Variants in CAPN8 observed in about 807,000 individuals in gnomAD.
CAPN8 encodes calpain-8.
A neutral mutation model predicts 80.9 loss-of-function variants in CAPN8; 87 were observed. The observed-to-expected ratio is 1.07, with a 90% CI of 0.90 to 1.28. The LOEUF is 1.28. Among genes scored for constraint, CAPN8 ranks in the 50% most tolerant of loss-of-function variants. The pLI, the probability that CAPN8 is intolerant of heterozygous loss-of-function variation, is 0.00. For synonymous variants in CAPN8, 299 were observed against 273.8 expected (o/e 1.09, Z -0.91); for missense variants, 757 against 702.0 (o/e 1.08, Z -0.89).
intron 13 of CAPN8, among the ~76,000 whole-genome samples, chr1:223,555,369 G>A (rs975759177): frequency 1.3e-5 from 2 of 152,194 alleles, no homozygotes; most frequent in South Asian, 2.1e-4. Context: ...CCCTGCATCC[G>A]ACTACTCTCA....
chr1:223,640,091 G>A (rs1658007431), intron 2 of CAPN8, among the ~76,000 whole-genome samples: 1 of 151,824 alleles, frequency 6.6e-6, no homozygotes, highest in African/African-American at 2.4e-5. Flanking sequence ...CTTTCCAATT[G>A]CCACAAACCA....
rs550309697 is a variant in CAPN8 at position 223,650,212 on chromosome 1, G to A, written c.307+4118C>T. 1.4e-3 allele frequency among the ~76,000 whole-genome samples: 216 copies of A among 152,316 alleles called. 3 individuals are homozygous for A. The highest frequency in any genetic ancestry group is 4.9e-3 in the African/African-American group (202 of 41,576). Reference sequence around the variant, plus strand: ...GGCTCAGAGGGCAGAGGTGGCCTTGGAGAGGGAGAGTGCAGGCTGGGCCAG... The same window carrying A: ...GGCTCAGAGGGCAGAGGTGGCCTTGAAGAGGGAGAGTGCAGGCTGGGCCAG... On this transcript the variant is annotated intron_variant, in intron 2 of 20. Coordinates refer to ENST00000366872, the MANE Select transcript of CAPN8 (RefSeq NM_001143962.2).
intron 2 of CAPN8, among the ~76,000 whole-genome samples, chr1:223,653,458 A>G (rs1191820076): frequency 6.6e-6 from 1 of 152,036 alleles, no homozygotes; most frequent in African/African-American, 2.4e-5. Flanking sequence ...CTCCTGAAAA[A>G]AAAGTGGCGG....
intron 2 of CAPN8, among the ~76,000 whole-genome samples, chr1:223,636,875 T>C (rs1203154779): frequency 6.8e-6 from 1 of 147,844 alleles, no homozygotes; most frequent in East Asian, 2.0e-4. Flanking sequence ...ATTTGAAAAC[T>C]CAGACCTTGA....
At chr1:223,648,295 C>T (rs1658246038) in intron 2 of CAPN8, among the ~76,000 whole-genome samples, 1 of 152,244 alleles carries the variant, frequency 6.6e-6, no homozygotes, top group South Asian at 2.1e-4. Context: ...CCCTGGGCCA[C>T]ATGGAGCTGT....
intron 2 of CAPN8, among the ~76,000 whole-genome samples, chr1:223,641,366 T>A (rs1176345462): frequency 9.6e-4 from 141 of 146,144 alleles, no homozygotes; most frequent in African/African-American, 3.4e-3. Flanking sequence ...AGCCTTTTTT[T>A]AAAAAAAAAA....
intron 2 of CAPN8, chr1:223,642,589 A>C: frequency 3.0e-6 from 1 of 337,044 alleles, no homozygotes; most frequent in Non-Finnish European, 5.8e-6. Context: ...CAGGAGCTAC[A>C]GAGCACCCCA....
intron 8 of CAPN8, among the ~76,000 whole-genome samples, chr1:223,619,929 T>C (rs1657333215): frequency 6.6e-6 from 1 of 152,150 alleles, no homozygotes; most frequent in Non-Finnish European, 1.5e-5. Flanking sequence ...GAAGCAGTGC[T>C]CTCAGTTCAT....
rs1006993080 is a variant in CAPN8 at position 223,625,934 on chromosome 1, AG to A, written c.730-47del. 5.4e-6 allele frequency: 8 copies of A among 1,470,754 alleles called. No homozygotes were observed. In the African/African-American group the frequency reaches 7.0e-5, roughly 13 times the overall value. The allele number at this position is 1,470,754 out of a possible 1,614,324, so 91.1% of individuals were successfully genotyped here. ...ACTCAGTGGCTGACCCTGACCTCTC[AG>A]GGGCCGGCCGTAGAATGCTTTCCAA... On this transcript the variant is annotated intron_variant, in intron 5 of 20. Transcript: ENST00000366872.
chr1:223,620,373 A>G lies in CAPN8; in HGVS notation c.900-107T>C, dbSNP rs1467376647. ...CCTAAGAGCCAGAAACAAAATACCAAAAGCACTGCAGGCAGACAGAAAGGC... is the reference window on the plus strand; with the variant it reads ...CCTAAGAGCCAGAAACAAAATACCAGAAGCACTGCAGGCAGACAGAAAGGC... On this transcript the variant is annotated intron_variant, in intron 7 of 20. Coordinates refer to ENST00000366872, the MANE Select transcript of CAPN8 (RefSeq NM_001143962.2). 3 of 933,848 alleles carry G rather than the reference A, an allele frequency of 3.2e-6. No homozygotes were observed. The East Asian group carries it at 7.9e-5, about 25-fold the overall frequency. The allele number at this position is 933,848 out of a possible 1,614,324, so 57.8% of individuals were successfully genotyped here.
At chr1:223,654,832 C>T (rs1398724328) in intron 1 of CAPN8, among the ~76,000 whole-genome samples, 2 of 147,354 alleles carry the variant, frequency 1.4e-5, no homozygotes, top group African/African-American at 2.5e-5. Flanking sequence ...CGTGCCACCA[C>T]ACCCGGCTAA....
chr1:223,628,121 C>T lies in CAPN8; in HGVS notation c.448G>A (p.Val150Met), dbSNP rs1259350526. The change falls in exon 4 of 21, where the codon GTG (valine) becomes ATG (methionine). Residue 150 changes from valine (V) to methionine (M), a missense_variant. Val to Met is a conservative substitution (Grantham distance 21, BLOSUM62 1). Transcript: ENST00000366872. ...AGCCTGTCGTCAATGACCACCTCCA[C>T]CCACTCTCCGTACTGCCAGAACTGG... is the stretch of plus-strand genomic sequence containing the variant. ...HFQFWQYGEW[V>M]EVVIDDRLPT... 1 of 1,550,274 alleles carries T rather than the reference C, an allele frequency of 6.5e-7. No individual in the cohort carries two copies. The highest frequency in any genetic ancestry group is 2.0e-5 in the Admixed American group (1 of 50,764).
intron 6 of CAPN8, 80 bp downstream of exon 6, chr1:223,625,725 C>G (rs2102711494): frequency 3.1e-6 from 4 of 1,288,396 alleles, no homozygotes; most frequent in Middle Eastern, 1.8e-4. Context: ...TAGTAATCAC[C>G]TCTTTCCTCC....
intron 10 of CAPN8, among the ~76,000 whole-genome samples, chr1:223,613,278 T>C (rs551302458): frequency 4.6e-5 from 7 of 152,300 alleles, no homozygotes; most frequent in African/African-American, 1.7e-4. Flanking sequence ...GCAGCAGAAG[T>C]AGAAGAGTCC....
At chr1:223,662,709 G>A (rs567295086) in intron 1 of CAPN8, among the ~76,000 whole-genome samples, 1 of 152,272 alleles carries the variant, frequency 6.6e-6, no homozygotes, top group South Asian at 2.1e-4. Flanking sequence ...ATGAGTAAAT[G>A]CAACAAATGA....
chr1:223,654,535 A>G, intron 1 of CAPN8, 136 bp from the exon 2 acceptor site: 1 of 749,098 alleles, frequency 1.3e-6, no homozygotes, highest in Non-Finnish European at 2.3e-6. Context: ...ACATGGTTTT[A>G]TTGCTGAGGA....
intron 2 of CAPN8, among the ~76,000 whole-genome samples, chr1:223,646,464 C>G (rs1242511665): frequency 6.6e-6 from 1 of 152,222 alleles, no homozygotes; most frequent in Non-Finnish European, 1.5e-5. Flanking sequence ...CTTAACACAG[C>G]CTGTAACCTC....
Position 223,541,659 on chromosome 1 carries a change from C to A in CAPN8, c.*177G>T. 1.2e-6 allele frequency: 1 copy of A among 869,138 alleles called. No individual in the cohort carries two copies. The highest frequency in any genetic ancestry group is 1.6e-5 in the South Asian group (1 of 61,128). The allele number at this position is 869,138 out of a possible 1,614,324, so 53.8% of individuals were successfully genotyped here. ...ATTGATTGCTTTCCCTCCACTGGGC[C>A]CACCGGGTCGGCTTACATAGCTCAT... On this transcript the variant is annotated 3_prime_UTR_variant, in exon 21 of 21. Transcript: ENST00000366872.
At chr1:223,550,866 T>A in intron 15 of CAPN8, 94 bp downstream of exon 15, 1 of 665,604 alleles carries the variant, frequency 1.5e-6, no homozygotes, top group Non-Finnish European at 2.8e-6. Flanking sequence ...TTCTCCCACC[T>A]GTGGTGCTGC....
Sources: gnomAD v4.1 joint callset for allele counts (sites outside exome capture counted in the v4.1 genomes callset) on GRCh38, gnomAD v4.1.1 for gene constraint, MANE v1.5 for transcripts, NCBI Gene and HGNC (gene_info 2026-07-23, HGNC 2026-07-21) for gene names.